Variants in RBPMS2 observed in about 807,000 individuals in gnomAD.
RBPMS2 encodes the protein RNA binding protein, mRNA processing factor 2.
RBPMS2 carries 14 observed loss-of-function variants against 25.7 expected under a neutral mutation model. That is an observed-to-expected ratio of 0.55 (90% CI 0.36 to 0.85). RBPMS2 has a LOEUF of 0.85. Ranked by LOEUF, RBPMS2 falls within the 40% of genes least tolerant of loss-of-function variation. RBPMS2 has a pLI of 0.01. For missense variants in RBPMS2, 252 were observed against 283.4 expected, an observed-to-expected ratio of 0.89 and a Z score of 0.80; for synonymous variants, 127 against 115.6, an observed-to-expected ratio of 1.10 and a Z score of -0.63.
At chr15:64,766,507 C>T (rs187811501) in intron 1 of RBPMS2, among the ~76,000 whole-genome samples, 147 of 151,414 alleles carry the variant, frequency 9.7e-4, no homozygotes, top group Admixed American at 3.6e-3. Context: ...CATAGGCTGC[C>T]CACAGTTCTG....
At chr15:64,771,628 G>A (rs1010243313) in intron 1 of RBPMS2, among the ~76,000 whole-genome samples, 16 of 151,534 alleles carry the variant, frequency 1.1e-4, no homozygotes, top group Admixed American at 1.1e-3. Flanking sequence ...CCGAGATTGC[G>A]CCACTGCACC....
At chr15:64,741,880 A>G (rs1011911007) in intron 6 of RBPMS2, among the ~76,000 whole-genome samples, 10 of 152,136 alleles carry the variant, frequency 6.6e-5, no homozygotes, top group African/African-American at 2.4e-4. Context: ...TTAAAACCAA[A>G]CAAGGCCGGG....
chr15:64,764,286 A>G (rs752320334), intron 1 of RBPMS2, among the ~76,000 whole-genome samples: 24 of 152,330 alleles, frequency 1.6e-4, no homozygotes, highest in Non-Finnish European at 1.6e-4. Context: ...AATACCCTAC[A>G]GAAGGGACTA....
chr15:64,761,636 G>A (rs528920509), intron 1 of RBPMS2, among the ~76,000 whole-genome samples: 6 of 150,046 alleles, frequency 4.0e-5, no homozygotes, highest in Admixed American at 3.3e-4. Flanking sequence ...GGACTCAAGC[G>A]ATCCTCTTGC....
At chr15:64,757,349 A>C (rs910548857) in intron 1 of RBPMS2, among the ~76,000 whole-genome samples, 1 of 152,138 alleles carries the variant, frequency 6.6e-6, no homozygotes, top group Non-Finnish European at 1.5e-5. Context: ...ATTACTTGTG[A>C]GAGCAATAAA....
chr15:64,765,563 A>C (rs2083838602), intron 1 of RBPMS2, among the ~76,000 whole-genome samples: 1 of 150,404 alleles, frequency 6.6e-6, no homozygotes, highest in African/African-American at 2.4e-5. Context: ...TGGGCAACAA[A>C]ACGAGATCCT....
At chr15:64,748,084 C>T (rs938876092) in intron 6 of RBPMS2, among the ~76,000 whole-genome samples, 1 of 152,112 alleles carries the variant, frequency 6.6e-6, no homozygotes, top group Non-Finnish European at 1.5e-5. Flanking sequence ...GGTCTGACTC[C>T]AGAGACCATA....
At chr15:64,754,154 T>C (rs1393013578) in intron 1 of RBPMS2, among the ~76,000 whole-genome samples, 1 of 148,920 alleles carries the variant, frequency 6.7e-6, no homozygotes, top group East Asian at 2.0e-4. Flanking sequence ...CTACTAAAAA[T>C]ACAAAAAATT....
chr15:64,748,864 G>A lies in RBPMS2; in HGVS notation c.418+136C>T, dbSNP rs569654199. 6.1e-5 allele frequency: 61 copies of A among 1,002,170 alleles called. No individual in the cohort carries two copies. The African/African-American group carries it at 7.8e-4, about 13-fold the overall frequency. The allele number at this position is 1,002,170 out of a possible 1,614,324, so 62.1% of individuals were successfully genotyped here. A position where few individuals can be genotyped will look rare whatever the true frequency, so the allele number is the denominator to read the frequency against. Reference sequence around the variant, plus strand: ...TCTAGGCAGGCTGCAGGGGAGGGAGGAAAACCAGGTGTTTCAAAAATGGGT... The same window carrying A: ...TCTAGGCAGGCTGCAGGGGAGGGAGAAAAACCAGGTGTTTCAAAAATGGGT... On this transcript the variant is annotated intron_variant, in intron 5 of 7. Coordinates refer to ENST00000300069, the MANE Select transcript of RBPMS2 (RefSeq NM_194272.3).
At chr15:64,756,263 C>G (rs2083730504) in intron 1 of RBPMS2, among the ~76,000 whole-genome samples, 1 of 152,188 alleles carries the variant, frequency 6.6e-6, no homozygotes, top group Admixed American at 6.5e-5. Flanking sequence ...CACCTGTAAT[C>G]CCAGCACTTT....
chr15:64,774,733 G>GGCCGGCCGGCCGC (rs2083916763), intron 1 of RBPMS2, among the ~76,000 whole-genome samples: 1 of 12,944 alleles, frequency 7.7e-5, no homozygotes, highest in Non-Finnish European at 1.1e-4. Flanking sequence ...GAACCGAGGA[G>GGCCGGCCGGCCGC]CCGGCCGGCC....
chr15:64,766,105 G>C (rs1485753987), intron 1 of RBPMS2, among the ~76,000 whole-genome samples: 1 of 152,290 alleles, frequency 6.6e-6, no homozygotes, highest in East Asian at 1.9e-4. Context: ...AAAGAAGGGC[G>C]AAGTACTCCA....
intron 1 of RBPMS2, among the ~76,000 whole-genome samples, chr15:64,759,182 G>A (rs2083759254): frequency 6.6e-6 from 1 of 152,148 alleles, no homozygotes; most frequent in African/African-American, 2.4e-5. Context: ...GGGGTCCTGG[G>A]GAAGGGGAGC....
At chr15:64,741,281 C>A in intron 6 of RBPMS2, 39 bp from the exon 7 acceptor site, 6 of 1,522,754 alleles carry the variant, frequency 3.9e-6, no homozygotes, top group Non-Finnish European at 5.4e-6. Flanking sequence ...GCTGTGCATC[C>A]CTTCCCTCAA....
chr15:64,772,757 T>A (rs2083901414), intron 1 of RBPMS2, among the ~76,000 whole-genome samples: 1 of 151,680 alleles, frequency 6.6e-6, no homozygotes, highest in Admixed American at 6.6e-5. Context: ...CATGGTACCA[T>A]GTGCTCATAT....
chr15:64,760,927 C>T (rs1295755094), intron 1 of RBPMS2, among the ~76,000 whole-genome samples: 2 of 152,086 alleles, frequency 1.3e-5, no homozygotes, highest in East Asian at 3.9e-4. Context: ...GAACAGTCAC[C>T]CCTAGAGGCC....
intron 3 of RBPMS2, 144 bp downstream of exon 3, chr15:64,750,199 G>A (rs1187314578): frequency 1.3e-6 from 1 of 771,254 alleles, no homozygotes; most frequent in South Asian, 1.5e-5. Flanking sequence ...ACCTACAGAG[G>A]CTGCTCTGTC....
At chr15:64,749,192 G>T (rs748715185) in intron 4 of RBPMS2, 42 bp from the exon 5 acceptor site, 3 of 1,604,682 alleles carry the variant, frequency 1.9e-6, no homozygotes, top group African/African-American at 1.3e-5. Flanking sequence ...TACTCCGGGG[G>T]ACCCAGAGTG....
chr15:64,760,253 T>C (rs1184504469), intron 1 of RBPMS2, among the ~76,000 whole-genome samples: 8 of 152,094 alleles, frequency 5.3e-5, no homozygotes, highest in African/African-American at 1.7e-4. Flanking sequence ...GCCACGACCA[T>C]GGGGACCCCA....
Sources: allele counts gnomAD v4.1 joint callset (sites outside exome capture counted in the v4.1 genomes callset), GRCh38; gene constraint gnomAD v4.1.1; transcripts MANE v1.5; gene names NCBI Gene and HGNC (gene_info 2026-07-23, HGNC 2026-07-21).